CSN3: variants seen among roughly 807,000 people sequenced by gnomAD.
CSN3 encodes the protein casein kappa, also known as kappa-casein.
In CSN3, 7 loss-of-function variants were observed where a neutral mutation model predicts 9.9. That is an observed-to-expected ratio of 0.71 (90% CI 0.40 to 1.33). The LOEUF (loss-of-function observed/expected upper bound fraction) is 1.33. Among genes scored for constraint, CSN3 ranks in the 40% most tolerant of loss-of-function variants. CSN3 has a pLI of 0.01. For synonymous variants in CSN3, 88 were observed against 82.3 expected, an observed-to-expected ratio of 1.07 and a Z score of -0.37; for missense variants, 253 against 227.9, an observed-to-expected ratio of 1.11 and a Z score of -0.71.
chr4:70,242,386 G>T (rs1217996988), upstream of CSN3, among the ~76,000 whole-genome samples: 1 of 121,158 alleles, frequency 8.3e-6, no homozygotes, highest in Non-Finnish European at 1.9e-5. Context: ...ATGTATACAT[G>T]TGCCATGCTG....
At chr4:70,249,272 C>A (rs762026523) in exon 4 of CSN3, 2 of 1,614,102 alleles carry the variant, frequency 1.2e-6, no homozygotes, top group South Asian at 2.2e-5. Flanking sequence ...ATTGCCATCC[C>A]CCCAAAGAAA....
chr4:70,243,724 ATATTATTAGT>A (rs1730317362), intron 1 of CSN3, among the ~76,000 whole-genome samples: 2 of 152,176 alleles, frequency 1.3e-5, no homozygotes, highest in Admixed American at 6.6e-5. Context: ...GGGGTATCAT[ATATTATTAGT>A]CTAAAAAGAT....
chr4:70,249,101 A>T, exon 4 of CSN3: 2 of 1,614,050 alleles, frequency 1.2e-6, no homozygotes, highest in Non-Finnish European at 1.7e-6. Flanking sequence ...AATTTGTACC[A>T]ACGTAGACCA....
chr4:70,249,095 T>C (rs750221336), exon 4 of CSN3: 2 of 1,614,048 alleles, frequency 1.2e-6, no homozygotes, highest in Non-Finnish European at 1.7e-6. Context: ...GGAACCAATT[T>C]GTACCAACGT....
intron 2 of CSN3, among the ~76,000 whole-genome samples, chr4:70,246,690 G>A (rs1246772150): frequency 2.0e-5 from 1 of 50,186 alleles, no homozygotes; most frequent in Non-Finnish European, 4.5e-5. Context: ...TTTTTTTTTT[G>A]AGACAGAGTC....
rs374847559 is a variant in CSN3, at chr4:70,247,900, T to G, written c.87+50T>G. 23 of 1,429,176 alleles carry G rather than the reference T, an allele frequency of 1.6e-5. No homozygotes were observed. In the African/African-American group the frequency reaches 3.3e-4, roughly 21 times the overall value. The allele number at this position is 1,429,176 out of a possible 1,614,324, so 88.5% of individuals were successfully genotyped here. A position where few individuals can be genotyped will look rare whatever the true frequency, so the allele number is the denominator to read the frequency against. Reference sequence around the variant, plus strand: ...TTACAGGCATGAACTACAAAATATATTCTGCAAAGGTCAATTGTATTATAG... The same window carrying G: ...TTACAGGCATGAACTACAAAATATAGTCTGCAAAGGTCAATTGTATTATAG... On this transcript the variant is annotated intron_variant, in intron 3 of 4. Transcript: ENST00000304954.
intron 2 of CSN3, among the ~76,000 whole-genome samples, chr4:70,245,831 A>G (rs995884660): frequency 2.0e-5 from 3 of 152,120 alleles, no homozygotes; most frequent in Non-Finnish European, 4.4e-5. Context: ...CAATTCTTGG[A>G]GTCAAAATTA....
chr4:70,248,995 C>A lies in CSN3; in HGVS notation c.88-3C>A. ...TATTCTGTATAATTTATTTTTTTTG[C>A]AGTGCCATGAGAATGATGAAAGACC... is the stretch of plus-strand genomic sequence containing the variant. On this transcript the variant is annotated splice_region_variant and splice_polypyrimidine_tract_variant and intron_variant, in intron 3 of 4. Coordinates refer to ENST00000304954, the Ensembl canonical transcript of CSN3. 6.5e-7 allele frequency: 1 copy of A among 1,538,022 alleles called. No homozygotes were observed. The highest frequency in any genetic ancestry group is 8.8e-7 in the Non-Finnish European group (1 of 1,140,620).
intron 2 of CSN3, among the ~76,000 whole-genome samples, chr4:70,245,153 G>C (rs1730354723): frequency 6.6e-6 from 1 of 151,912 alleles, no homozygotes; most frequent in Non-Finnish European, 1.5e-5. Flanking sequence ...ACATTCAGGG[G>C]AAAAACAATA....
intron 2 of CSN3, among the ~76,000 whole-genome samples, chr4:70,245,713 A>T (rs1189374456): frequency 2.0e-5 from 3 of 152,192 alleles, no homozygotes; most frequent in Middle Eastern, 3.4e-3. Context: ...TCTCTGTAAT[A>T]TTTATTTATT....
upstream of CSN3, among the ~76,000 whole-genome samples, chr4:70,239,216 G>T (rs901990182): frequency 6.8e-6 from 1 of 147,992 alleles, no homozygotes; most frequent in Non-Finnish European, 1.5e-5. Flanking sequence ...TAAGTGACTC[G>T]AGGGGGAAAA....
At chr4:70,250,945 T>A (rs1014019624) in intron 4 of CSN3, among the ~76,000 whole-genome samples, 1 of 152,186 alleles carries the variant, frequency 6.6e-6, no homozygotes. Flanking sequence ...AACAGCTGGC[T>A]TATTATATTT....
chr4:70,244,347 C>T (rs1730331009), intron 1 of CSN3, among the ~76,000 whole-genome samples: 1 of 152,018 alleles, frequency 6.6e-6, no homozygotes, highest in Non-Finnish European at 1.5e-5. Flanking sequence ...TATTTCTCTC[C>T]CTGTTAAATA....
At chr4:70,249,363 G>A (rs778306360) in exon 4 of CSN3, 5 of 1,613,992 alleles carry the variant, frequency 3.1e-6, no homozygotes, top group African/African-American at 1.3e-5. Context: ...CTGAACCAAC[G>A]GTGGACAGTG....
chr4:70,241,167 A>G (rs1033840234), upstream of CSN3, among the ~76,000 whole-genome samples: 2 of 152,064 alleles, frequency 1.3e-5, no homozygotes, highest in African/African-American at 4.8e-5. Context: ...TGACCGGATC[A>G]TGATCTTTCA....
chr4:70,241,574 C>G (rs561364553), upstream of CSN3, among the ~76,000 whole-genome samples: 1 of 152,004 alleles, frequency 6.6e-6, no homozygotes, highest in Admixed American at 6.6e-5. Flanking sequence ...TTTAGAAAAG[C>G]AAGTAAAAGA....
chr4:70,239,446 G>A (rs1390686937), upstream of CSN3, among the ~76,000 whole-genome samples: 2 of 151,954 alleles, frequency 1.3e-5, no homozygotes, highest in South Asian at 2.1e-4. Flanking sequence ...GTTCGTGTTG[G>A]AGAAATAACA....
intron 4 of CSN3, among the ~76,000 whole-genome samples, chr4:70,250,716 C>T (rs779224973): frequency 1.3e-5 from 2 of 152,048 alleles, no homozygotes; most frequent in Non-Finnish European, 2.9e-5. Flanking sequence ...AGTAAATTAT[C>T]ACAGCTAGAA....
chr4:70,248,432 C>CA (rs1386959317), intron 3 of CSN3, among the ~76,000 whole-genome samples: 4 of 151,350 alleles, frequency 2.6e-5, no homozygotes, highest in African/African-American at 2.4e-5. Flanking sequence ...AAAATTAAAC[C>CA]AAAAAAAATC....
Sources: gnomAD v4.1 joint callset for allele counts (sites outside exome capture counted in the v4.1 genomes callset) on GRCh38, gnomAD v4.1.1 for gene constraint, MANE v1.5 for transcripts, NCBI Gene and HGNC (gene_info 2026-07-23, HGNC 2026-07-21) for gene names.